The following SMCO1 variants were observed in gnomAD, a reference collection of about 807,000 sequenced individuals.
The protein encoded by SMCO1 is single-pass membrane protein with coiled-coil domains 1.
In SMCO1, 9 loss-of-function variants were observed where a neutral mutation model predicts 7.5. The observed-to-expected ratio is 1.20, with a 90% CI of 0.72 to 2.09. The LOEUF (loss-of-function observed/expected upper bound fraction) is 2.09, where lower values mean the gene tolerates loss of function less well. SMCO1 is among the 30% of genes most tolerant of loss of function. The pLI, the probability that SMCO1 is intolerant of heterozygous loss-of-function variation, is 0.00. For missense variants in SMCO1, 219 were observed against 253.1 expected (o/e 0.87, Z 0.91); for synonymous variants, 90 against 93.8 (o/e 0.96, Z 0.23).
chr3:196,509,459 A>G (rs1440406070), intron 2 of SMCO1, 61 bp downstream of exon 2: 7 of 1,415,532 alleles, frequency 4.9e-6, no homozygotes, highest in African/African-American at 1.4e-5. Flanking sequence ...CAATTTTGCA[A>G]TGACCAGTGG....
At chr3:196,514,633 A>G (rs898493116) in intron 1 of SMCO1, among the ~76,000 whole-genome samples, 1 of 152,226 alleles carries the variant, frequency 6.6e-6, no homozygotes, top group Non-Finnish European at 1.5e-5. Flanking sequence ...TTGTAAATCT[A>G]GGATTTAGCA....
chr3:196,516,273 G>A (rs1241183979), upstream of SMCO1, among the ~76,000 whole-genome samples: 1 of 151,530 alleles, frequency 6.6e-6, no homozygotes, highest in African/African-American at 2.4e-5. Context: ...AAAAATAATA[G>A]AAGGTGAGAG....
In SMCO1 at chr3:196,515,148, G is replaced by A. The variant is rs1310292691; in HGVS notation, c.50+12C>T. ...GACCCATGCTTGCTCCCTCCCTATAGCCCTCAGCAACCTTTTCATTGCCTC... is the reference window on the plus strand; with the variant it reads ...GACCCATGCTTGCTCCCTCCCTATAACCCTCAGCAACCTTTTCATTGCCTC... On this transcript the variant is annotated intron_variant, in intron 1 of 2. Coordinates refer to ENST00000397537, the MANE Select transcript of SMCO1 (RefSeq NM_001077657.3). 1.9e-6 allele frequency: 3 copies of A among 1,613,722 alleles called. No homozygotes were observed. Among genetic ancestry groups the A allele is most frequent in the South Asian group, 1.1e-5 (1 of 91,080 alleles).
intron 2 of SMCO1, among the ~76,000 whole-genome samples, chr3:196,509,263 A>G (rs1276055856): frequency 7.3e-6 from 1 of 137,624 alleles, no homozygotes; most frequent in South Asian, 2.3e-4. Flanking sequence ...GCAGGGTTTC[A>G]CTGTGTCAGC....
chr3:196,517,104 C>CGAAAAA (rs774749663), upstream of SMCO1, among the ~76,000 whole-genome samples: 2 of 35,738 alleles, frequency 5.6e-5, no homozygotes, highest in African/African-American at 3.2e-4. Flanking sequence ...GACTCCATCG[C>CGAAAAA]AAAAAAAAAA....
At chr3:196,515,843 A>G (rs572382593), upstream of SMCO1, among the ~76,000 whole-genome samples, 1 of 151,166 alleles carries the variant, frequency 6.6e-6, no homozygotes, top group African/African-American at 2.4e-5. Context: ...CACAAAAAAT[A>G]CAAAAATTAG....
At chr3:196,519,302 T>G (rs1049875169), upstream of SMCO1, among the ~76,000 whole-genome samples, 2 of 152,344 alleles carry the variant, frequency 1.3e-5, no homozygotes, top group East Asian at 1.9e-4. Context: ...TCGCTACTAG[T>G]CCTCGTGCGA....
chr3:196,509,821 T>G, intron 1 of SMCO1, 152 bp from the exon 2 acceptor site: 1 of 582,032 alleles, frequency 1.7e-6, no homozygotes, highest in East Asian at 3.0e-5. Flanking sequence ...GAAGGGAAAA[T>G]GGGTAGCTAT....
chr3:196,514,567 T>C, intron 1 of SMCO1, among the ~76,000 whole-genome samples: 1 of 152,212 alleles, frequency 6.6e-6, no homozygotes, highest in East Asian at 1.9e-4. Flanking sequence ...TTCAAACTTT[T>C]CTCTTTCCTA....
chr3:196,519,924 G>A (rs1399133462), upstream of SMCO1, among the ~76,000 whole-genome samples: 1 of 151,560 alleles, frequency 6.6e-6, no homozygotes, highest in Non-Finnish European at 1.5e-5. Flanking sequence ...GAACCAAGGA[G>A]GGAAAACAGT....
chr3:196,510,193 C>T (rs1311047076), intron 1 of SMCO1, among the ~76,000 whole-genome samples: 1 of 152,100 alleles, frequency 6.6e-6, no homozygotes, highest in Non-Finnish European at 1.5e-5. Flanking sequence ...GTCTTCAACA[C>T]CTGGGCTCCA....
upstream of SMCO1, among the ~76,000 whole-genome samples, chr3:196,519,681 C>T (rs1026015072): frequency 1.3e-5 from 2 of 152,222 alleles, no homozygotes; most frequent in Middle Eastern, 3.2e-3. Flanking sequence ...CAATCCAGCA[C>T]ATTCCCTCCG....
chr3:196,511,234 T>G (rs1273350909), intron 1 of SMCO1, among the ~76,000 whole-genome samples: 1 of 139,390 alleles, frequency 7.2e-6, no homozygotes, highest in African/African-American at 3.2e-5. Flanking sequence ...CTGAGCCACC[T>G]AGATTGTCCT....
chr3:196,516,710 C>G (rs1454045084), upstream of SMCO1, among the ~76,000 whole-genome samples: 1 of 152,122 alleles, frequency 6.6e-6, no homozygotes, highest in Non-Finnish European at 1.5e-5. Context: ...AAGGAACATA[C>G]TAGCAGGGAG....
chr3:196,516,008 T>G, upstream of SMCO1, among the ~76,000 whole-genome samples: 1 of 92,414 alleles, frequency 1.1e-5, no homozygotes, highest in East Asian at 2.9e-4. Context: ...TATATATATA[T>G]ATATATATAT....
chr3:196,517,489 T>C (rs2108665456), upstream of SMCO1, among the ~76,000 whole-genome samples: 1 of 152,224 alleles, frequency 6.6e-6, no homozygotes, highest in South Asian at 2.1e-4. Context: ...TTGCCAAATA[T>C]AAGGAAGCGC....
At chr3:196,509,084 T>C (rs944688411) in intron 2 of SMCO1, among the ~76,000 whole-genome samples, 6 of 151,228 alleles carry the variant, frequency 4.0e-5, no homozygotes, top group Admixed American at 1.3e-4. Flanking sequence ...GAGTCTCGCT[T>C]TGTCACCCAG....
intron 1 of SMCO1, among the ~76,000 whole-genome samples, chr3:196,511,859 T>C (rs1449383381): frequency 1.4e-4 from 16 of 111,452 alleles, no homozygotes; most frequent in East Asian, 3.0e-4. Context: ...CTGCCTGGGC[T>C]GCCTAGATTG....
chr3:196,508,958 A>C (rs1733136503), intron 2 of SMCO1, among the ~76,000 whole-genome samples: 1 of 150,936 alleles, frequency 6.6e-6, no homozygotes, highest in Non-Finnish European at 1.5e-5. Flanking sequence ...AAAAAAGAAA[A>C]AAAAATTAAT....
Sources: gnomAD v4.1 joint callset for allele counts (sites outside exome capture counted in the v4.1 genomes callset) on GRCh38, gnomAD v4.1.1 for gene constraint, MANE v1.5 for transcripts, NCBI Gene and HGNC (gene_info 2026-07-23, HGNC 2026-07-21) for gene names.